CLMP: variants seen among roughly 807,000 people sequenced by gnomAD.
The protein encoded by CLMP is CXADR like cell adhesion molecule.
Under a neutral mutation model 45.2 loss-of-function variants are expected in CLMP, and 27 were observed. That is an observed-to-expected ratio of 0.60 (90% CI 0.44 to 0.82). The LOEUF (loss-of-function observed/expected upper bound fraction) is 0.82, where lower values mean the gene tolerates loss of function less well. Ranked by LOEUF, CLMP falls within the 40% of genes least tolerant of loss-of-function variation. The probability of loss-of-function intolerance (pLI) is 0.00; values close to 1 mark genes in which losing one functional copy is unlikely to be tolerated. For synonymous variants in CLMP, 167 were observed against 171.4 expected (o/e 0.97, Z 0.20); for missense variants, 403 against 448.4 (o/e 0.90, Z 0.91).
intron 1 of CLMP, among the ~76,000 whole-genome samples, chr11:123,127,641 G>A (rs747371471): frequency 6.6e-6 from 1 of 152,082 alleles, no homozygotes; most frequent in Non-Finnish European, 1.5e-5. Context: ...CAACAACCCA[G>A]ATAAAGATAT....
chr11:123,161,260 G>C (rs1345094112), intron 1 of CLMP, among the ~76,000 whole-genome samples: 1 of 152,186 alleles, frequency 6.6e-6, no homozygotes, highest in Non-Finnish European at 1.5e-5. Flanking sequence ...CTGTAGAACT[G>C]AGACAGATGG....
chr11:123,181,269 G>C (rs776311449), intron 1 of CLMP, among the ~76,000 whole-genome samples: 2 of 152,146 alleles, frequency 1.3e-5, no homozygotes, highest in Admixed American at 6.5e-5. Context: ...CTATGAATGT[G>C]TTCTCTTTCC....
intron 1 of CLMP, among the ~76,000 whole-genome samples, chr11:123,120,798 T>C (rs569865716): frequency 1.8e-4 from 27 of 152,238 alleles, no homozygotes; most frequent in African/African-American, 6.0e-4. Flanking sequence ...CTCTTACTTT[T>C]CTCAAACGTC....
chr11:123,088,376 G>T (rs1865889146), intron 2 of CLMP, among the ~76,000 whole-genome samples: 2 of 152,170 alleles, frequency 1.3e-5, no homozygotes, highest in African/African-American at 2.4e-5. Flanking sequence ...TGGAGATAAG[G>T]CAGGTAAGCT....
intron 1 of CLMP, among the ~76,000 whole-genome samples, chr11:123,098,213 A>G (rs1866012831): frequency 6.6e-6 from 1 of 152,082 alleles, no homozygotes; most frequent in Admixed American, 6.6e-5. Flanking sequence ...CTTTATGAAC[A>G]ATGAAATTGC....
At chr11:123,161,182 T>C (rs1861482622) in intron 1 of CLMP, among the ~76,000 whole-genome samples, 1 of 152,126 alleles carries the variant, frequency 6.6e-6, no homozygotes, top group African/African-American at 2.4e-5. Flanking sequence ...TTCTGCCCAG[T>C]GAGATTTGTA....
chr11:123,129,129 T>C (rs1457061443), intron 1 of CLMP, among the ~76,000 whole-genome samples: 1 of 152,008 alleles, frequency 6.6e-6, no homozygotes, highest in East Asian at 1.9e-4. Context: ...GAGACCACGC[T>C]GGCCAACATG....
intron 1 of CLMP, among the ~76,000 whole-genome samples, chr11:123,144,723 T>C (rs1301591744): frequency 6.6e-6 from 1 of 152,164 alleles, no homozygotes; most frequent in East Asian, 1.9e-4. Context: ...AAGGTGAGCA[T>C]TGTGACAGAA....
intron 1 of CLMP, among the ~76,000 whole-genome samples, chr11:123,129,783 A>T (rs767928502): frequency 1.3e-5 from 2 of 150,736 alleles, no homozygotes; most frequent in Non-Finnish European, 2.9e-5. Flanking sequence ...CAGCTAAATG[A>T]CAAGCCACAC....
chr11:123,126,835 TG>T (rs1438240439), intron 1 of CLMP, among the ~76,000 whole-genome samples: 1 of 151,646 alleles, frequency 6.6e-6, no homozygotes, highest in East Asian at 1.9e-4. Flanking sequence ...AGGCGGAGCT[TG>T]CAGTGAACCA....
intron 5 of CLMP, among the ~76,000 whole-genome samples, chr11:123,075,938 T>G (rs1865733774): frequency 6.6e-6 from 1 of 152,074 alleles, no homozygotes; most frequent in Non-Finnish European, 1.5e-5. Flanking sequence ...TTTGGGAGGC[T>G]GACGTGGGCG....
intron 1 of CLMP, among the ~76,000 whole-genome samples, chr11:123,147,968 G>A (rs572335001): frequency 9.2e-5 from 14 of 152,198 alleles, no homozygotes; most frequent in Non-Finnish European, 1.2e-4. Context: ...ATGAGCCACC[G>A]TGCGTGGCTT....
At chr11:123,135,139 A>G (rs1384411616) in intron 1 of CLMP, among the ~76,000 whole-genome samples, 1 of 151,986 alleles carries the variant, frequency 6.6e-6, no homozygotes, top group Non-Finnish European at 1.5e-5. Flanking sequence ...AGGCGCCTGT[A>G]ATCCCAGTTA....
At chr11:123,097,354 T>A (rs1276858255) in intron 2 of CLMP, among the ~76,000 whole-genome samples, 3 of 142,564 alleles carry the variant, frequency 2.1e-5, no homozygotes, top group Non-Finnish European at 4.6e-5. Flanking sequence ...TTCTTTTTTT[T>A]TGAGATGGAG....
chr11:123,080,469 G>A (rs1378401256), intron 5 of CLMP, among the ~76,000 whole-genome samples: 2 of 151,694 alleles, frequency 1.3e-5, no homozygotes, highest in Non-Finnish European at 2.9e-5. Flanking sequence ...CTGGGATTAC[G>A]GGCATGTGCC....
intron 4 of CLMP, 121 bp downstream of exon 4, chr11:123,083,559 A>G: frequency 1.1e-6 from 1 of 951,886 alleles, no homozygotes; most frequent in Non-Finnish European, 1.7e-6. Context: ...TAAAAATGGC[A>G]GTTCAGGAGG....
At chr11:123,159,649 C>T (rs1202506720) in intron 1 of CLMP, among the ~76,000 whole-genome samples, 1 of 152,154 alleles carries the variant, frequency 6.6e-6, no homozygotes. Context: ...CTGACACGTA[C>T]AAGGCAGTGA....
intron 1 of CLMP, among the ~76,000 whole-genome samples, chr11:123,149,940 G>A (rs11219027): frequency 0.075 from 11,380 of 151,584 alleles, 683 homozygotes; most frequent in East Asian, 0.26. Flanking sequence ...GAGTAGCTGG[G>A]ATTACAGGCG....
intron 1 of CLMP, among the ~76,000 whole-genome samples, chr11:123,151,025 C>T (rs1268379523): frequency 6.6e-6 from 1 of 152,172 alleles, no homozygotes; most frequent in Non-Finnish European, 1.5e-5. Context: ...TCTTATCTCA[C>T]CACTTTTCTG....
Sources: gnomAD v4.1 joint callset for allele counts (sites outside exome capture counted in the v4.1 genomes callset) on GRCh38, gnomAD v4.1.1 for gene constraint, MANE v1.5 for transcripts, NCBI Gene and HGNC (gene_info 2026-07-23, HGNC 2026-07-21) for gene names.